The following FNDC1 variants were observed in gnomAD, a reference collection of about 807,000 sequenced individuals.
The protein encoded by FNDC1 is fibronectin type III domain-containing protein 1.
Under a neutral mutation model 168.0 loss-of-function variants are expected in FNDC1, and 96 were observed. The ratio of observed to expected loss-of-function variants is 0.57; its 90% CI spans 0.48 to 0.68. The LOEUF (loss-of-function observed/expected upper bound fraction) is 0.68, where lower values mean the gene tolerates loss of function less well. FNDC1 is among the 30% of genes least tolerant of loss of function. FNDC1 has a pLI of 0.00. For missense variants in FNDC1, 2,587 were observed against 2,482.1 expected, an observed-to-expected ratio of 1.04 and a Z score of -0.90; for synonymous variants, 1,099 against 1,025.9, an observed-to-expected ratio of 1.07 and a Z score of -1.36.
chr6:159,198,570 C>T (rs902516953), intron 2 of FNDC1, among the ~76,000 whole-genome samples: 1 of 152,208 alleles, frequency 6.6e-6, no homozygotes, highest in East Asian at 1.9e-4. Flanking sequence ...CACCTTGGCT[C>T]CCCAAGTCCA....
intron 4 of FNDC1, among the ~76,000 whole-genome samples, chr6:159,211,501 G>C (rs947790204): frequency 2.0e-5 from 3 of 152,296 alleles, no homozygotes; most frequent in Admixed American, 2.0e-4. Context: ...TATTTGAAAA[G>C]ATTTTCAATG....
intron 14 of FNDC1, among the ~76,000 whole-genome samples, chr6:159,244,797 T>A (rs1783503831): frequency 6.6e-6 from 1 of 152,224 alleles, no homozygotes; most frequent in Non-Finnish European, 1.5e-5. Context: ...CATTCTCTTT[T>A]TGCTGTCTTT....
intron 17 of FNDC1, among the ~76,000 whole-genome samples, chr6:159,253,071 C>T (rs1437183237): frequency 6.6e-6 from 1 of 152,222 alleles, no homozygotes; most frequent in Non-Finnish European, 1.5e-5. Flanking sequence ...CCAAGCCATT[C>T]AAAGCTCCCT....
chr6:159,265,136 C>A, intron 20 of FNDC1, 132 bp downstream of exon 20: 2 of 715,594 alleles, frequency 2.8e-6, no homozygotes, highest in Non-Finnish European at 4.7e-6. Flanking sequence ...CTATGCTTTC[C>A]TTGCACTCGT....
Position 159,169,709 on chromosome 6 carries a change from C to G in FNDC1, c.109+4C>G. ...GCCTCCTCGGCGGCGGCCTCAGGTA[C>G]GCGCCGCGCCCGGGCCCCCGGCGCT... On this transcript the variant is annotated splice_donor_region_variant and intron_variant, in intron 1 of 22. Transcript: ENST00000297267. This position sits in a 1 kb window ranked among gnomAD's most constrained non-coding sequence, Gnocchi z 6.8. The G allele has an allele frequency of 8.9e-7, 1 of 1,126,432 alleles. No individual in the cohort carries two copies. The highest frequency in any genetic ancestry group is 1.1e-6 in the Non-Finnish European group (1 of 913,068). 69.8% of individuals were successfully genotyped at this position (1,126,432 alleles called of 1,614,324 possible).
intron 2 of FNDC1, among the ~76,000 whole-genome samples, chr6:159,198,630 A>G (rs1028978187): frequency 5.9e-5 from 9 of 152,258 alleles, no homozygotes; most frequent in African/African-American, 2.2e-4. Context: ...TGAGCAGATC[A>G]TATCTCCTTG....
intron 1 of FNDC1, among the ~76,000 whole-genome samples, chr6:159,182,188 C>T (rs1781894632): frequency 6.6e-6 from 1 of 152,184 alleles, no homozygotes; most frequent in Admixed American, 6.5e-5. Context: ...AGGGTACAAA[C>T]ACTAGATATC....
intron 19 of FNDC1, among the ~76,000 whole-genome samples, chr6:159,263,325 GA>G (rs1777527723): frequency 1.3e-5 from 2 of 152,142 alleles, no homozygotes; most frequent in Non-Finnish European, 2.9e-5. Flanking sequence ...TTTGCAGGTT[GA>G]TTTTGGCAGG....
At chr6:159,269,296 C>G (rs1259085849) in intron 22 of FNDC1, among the ~76,000 whole-genome samples, 6 of 125,414 alleles carry the variant, frequency 4.8e-5, no homozygotes, top group South Asian at 2.7e-4. Context: ...ATCTATCCAT[C>G]CATCCATCTA....
chr6:159,259,564 T>C (rs1777438669), intron 18 of FNDC1, among the ~76,000 whole-genome samples: 1 of 152,182 alleles, frequency 6.6e-6, no homozygotes. Flanking sequence ...AGCCCCTGAG[T>C]ATGCATCCTT....
At chr6:159,184,969 G>T (rs1242323378) in intron 1 of FNDC1, among the ~76,000 whole-genome samples, 3 of 145,338 alleles carry the variant, frequency 2.1e-5, no homozygotes, top group Admixed American at 7.4e-5. Flanking sequence ...TTTAGGGCCT[G>T]TTATTTCTTA....
At position 159,233,356 on chromosome 6, in the gene FNDC1, G is replaced by A. The variant is rs1244219894; in HGVS notation, c.2844G>A (p.Lys948=). The part of the protein sequence containing the change: ...PQGKYSSLAS[K]AQDVQQSTDA... ...GCAAGTACTCCTCCCTGGCCTCCAA[G>A]GCTCAGGATGTTCAACAGAGCACAG... The change falls in exon 11 of 23, where the codon AAG becomes AAA. Residue 948 remains lysine, a synonymous_variant. Transcript: ENST00000297267. The surrounding 1 kb of genome is among the most constrained non-coding windows in gnomAD (Gnocchi z 4.6). The A allele has an allele frequency of 1.9e-6, 3 of 1,613,772 alleles. No homozygotes were observed. The Admixed American group carries it at 5.0e-5, about 27-fold the overall frequency.
chr6:159,250,130 C>T (rs778484825), intron 16 of FNDC1, among the ~76,000 whole-genome samples: 3 of 152,136 alleles, frequency 2.0e-5, no homozygotes, highest in Non-Finnish European at 2.9e-5. Context: ...CTCCTCTAAA[C>T]GCTAAAGGCT....
rs376771645 is a variant in FNDC1, at chr6:159,221,648, C to T, written c.718C>T (p.Arg240Trp). The change falls in exon 6 of 23, where the codon CGG becomes TGG. Residue 240 changes from arginine (R) to tryptophan (W), a missense_variant. Arg to Trp is a moderately radical substitution (Grantham distance 101). Transcript: ENST00000297267. ...VSLQSMNSQG[R>W]SQPVYRAALT... ...CCTGCAGTCCATGAACTCTCAGGGC[C>T]GGAGCCAACCAGTCTACAGGGCTGC... 12 of 1,613,846 alleles carry T rather than the reference C, an allele frequency of 7.4e-6. No individual in the cohort carries two copies. The highest frequency in any genetic ancestry group is 6.7e-5 in the African/African-American group (5 of 74,908).
intron 1 of FNDC1, among the ~76,000 whole-genome samples, chr6:159,183,791 G>T (rs1781932826): frequency 6.6e-6 from 1 of 152,214 alleles, no homozygotes; most frequent in African/African-American, 2.4e-5. Flanking sequence ...GCTCACTGTT[G>T]TCGGACATAG....
intron 18 of FNDC1, among the ~76,000 whole-genome samples, chr6:159,259,416 G>A (rs1777434987): frequency 6.6e-6 from 1 of 152,116 alleles, no homozygotes; most frequent in African/African-American, 2.4e-5. Context: ...TTAGGCTTTA[G>A]TGTCAAAACA....
intron 1 of FNDC1, among the ~76,000 whole-genome samples, chr6:159,176,778 C>T (rs893326210): frequency 6.6e-6 from 1 of 152,146 alleles, no homozygotes; most frequent in Non-Finnish European, 1.5e-5. Context: ...AGCAGCCAAT[C>T]CCAGTACTGC....
chr6:159,256,085 C>G (rs1777364409), intron 17 of FNDC1, among the ~76,000 whole-genome samples: 1 of 152,208 alleles, frequency 6.6e-6, no homozygotes, highest in Non-Finnish European at 1.5e-5. Flanking sequence ...GGTCTCTCAG[C>G]CCCGCACACA....
chr6:159,257,873 A>G (rs1295590460), intron 18 of FNDC1, among the ~76,000 whole-genome samples: 1 of 151,642 alleles, frequency 6.6e-6, no homozygotes, highest in African/African-American at 2.4e-5. Flanking sequence ...AGAAAACAAA[A>G]CCAACAAAAT....
Sources: gnomAD v4.1 joint callset for allele counts (sites outside exome capture counted in the v4.1 genomes callset) on GRCh38, gnomAD v4.1.1 for gene constraint, Gnocchi (gnomAD v3.1) non-coding constraint, MANE v1.5 for transcripts, NCBI Gene and HGNC (gene_info 2026-07-23, HGNC 2026-07-21) for gene names.